Variants in SSBP2 observed in about 807,000 individuals in gnomAD.
The protein encoded by SSBP2 is single stranded DNA binding protein 2.
In SSBP2, 17 loss-of-function variants were observed where a neutral mutation model predicts 61.8. The observed-to-expected ratio is 0.28, with a 90% confidence interval of 0.19 to 0.41. The LOEUF is 0.41. Among genes scored for constraint, SSBP2 ranks in the 10% least tolerant of loss-of-function variants. The pLI is 1.00. For synonymous variants in SSBP2, 139 were observed against 141.3 expected, an observed-to-expected ratio of 0.98 and a Z score of 0.12; for missense variants, 310 against 458.7, an observed-to-expected ratio of 0.68 and a Z score of 2.96.
chr5:81,440,784 T>C (rs980161266), intron 13 of SSBP2, 148 bp from the exon 14 acceptor site: 13 of 596,696 alleles, frequency 2.2e-5, no homozygotes, highest in South Asian at 2.0e-4. Context: ...TTTTTCAGCC[T>C]TGTGGATTCT....
intron 10 of SSBP2, 28 bp downstream of exon 10, chr5:81,461,027 A>G: frequency 7.8e-7 from 1 of 1,289,966 alleles, no homozygotes; most frequent in South Asian, 2.5e-5. Flanking sequence ...AATGCAAAAT[A>G]TTAAAAAAAA....
At position 81,604,199 on chromosome 5, in the gene SSBP2, T is replaced by C. The variant is rs1744651998; in HGVS notation, c.282+11274A>G. On this transcript the variant is annotated intron_variant, in intron 4 of 16. Transcript: ENST00000320672. Reference sequence around the variant, plus strand: ...AATCTCATTTACATGAGATAAAAGGTTTTCATGCCTGCTGGCATAGCTACA... The same window carrying C: ...AATCTCATTTACATGAGATAAAAGGCTTTCATGCCTGCTGGCATAGCTACA... Among the ~76,000 whole-genome samples, 3 of 151,896 alleles carry C rather than the reference T, an allele frequency of 2.0e-5. No homozygotes were observed. In the South Asian group the frequency reaches 6.2e-4, roughly 31 times the overall value.
At chr5:81,468,254 G>C (rs1446798486) in intron 8 of SSBP2, among the ~76,000 whole-genome samples, 4 of 151,930 alleles carry the variant, frequency 2.6e-5, no homozygotes, top group African/African-American at 9.7e-5. Context: ...AAAGTCCATT[G>C]ATTCTATCTA....
intron 4 of SSBP2, among the ~76,000 whole-genome samples, chr5:81,608,670 T>G (rs1459507004): frequency 6.6e-6 from 1 of 152,172 alleles, no homozygotes; most frequent in Non-Finnish European, 1.5e-5. Flanking sequence ...TTTTTAAAAG[T>G]TTTTGAACTG....
At chr5:81,712,723 T>C (rs1754875661) in intron 1 of SSBP2, among the ~76,000 whole-genome samples, 3 of 113,624 alleles carry the variant, frequency 2.6e-5, no homozygotes, top group African/African-American at 9.7e-5. Context: ...TTTGTTTGTT[T>C]CTTTGTTTTT....
chr5:81,707,002 A>T (rs1191604975), intron 1 of SSBP2, among the ~76,000 whole-genome samples: 16 of 152,186 alleles, frequency 1.1e-4, no homozygotes. Context: ...AGGGAAATAA[A>T]ATTATAAATA....
chr5:81,669,494 G>T (rs1201060869), intron 1 of SSBP2, among the ~76,000 whole-genome samples: 2 of 152,132 alleles, frequency 1.3e-5, no homozygotes, highest in South Asian at 2.1e-4. Context: ...GTACTAAAAA[G>T]AAATGAGGGG....
chr5:81,441,675 T>C (rs184714385), intron 13 of SSBP2, among the ~76,000 whole-genome samples: 1 of 152,300 alleles, frequency 6.6e-6, no homozygotes, highest in South Asian at 2.1e-4. Context: ...TCTATCACCA[T>C]GGGCAATACA....
intron 10 of SSBP2, among the ~76,000 whole-genome samples, chr5:81,452,738 G>A (rs182141274): frequency 2.6e-3 from 403 of 152,244 alleles, no homozygotes; most frequent in Non-Finnish European, 4.5e-3. Flanking sequence ...CAGGTTTGGG[G>A]AAATGTCTGA....
At chr5:81,596,846 G>T (rs988930036) in intron 4 of SSBP2, among the ~76,000 whole-genome samples, 2 of 147,306 alleles carry the variant, frequency 1.4e-5, no homozygotes, top group African/African-American at 5.1e-5. Flanking sequence ...ATTCAAGATG[G>T]ATTAAAGACT....
intron 12 of SSBP2, among the ~76,000 whole-genome samples, chr5:81,446,554 T>C (rs1022812608): frequency 6.6e-6 from 1 of 152,184 alleles, no homozygotes; most frequent in Non-Finnish European, 1.5e-5. Context: ...TCAGAAATTT[T>C]CTAAATTGTA....
At chr5:81,437,334 C>G in intron 15 of SSBP2, 96 bp downstream of exon 15, 1 of 1,211,006 alleles carries the variant, frequency 8.3e-7, no homozygotes, top group Non-Finnish European at 1.2e-6. Flanking sequence ...AACTCTTGTT[C>G]AAGAACAAAA....
chr5:81,432,981 G>GT (rs1307618951), intron 15 of SSBP2, among the ~76,000 whole-genome samples: 2 of 132,572 alleles, frequency 1.5e-5, no homozygotes, highest in Non-Finnish European at 3.3e-5. Flanking sequence ...CGGGAGGGAG[G>GT]TGGGGGGGGT....
intron 4 of SSBP2, among the ~76,000 whole-genome samples, chr5:81,596,164 A>C (rs1194543381): frequency 6.6e-6 from 1 of 152,194 alleles, no homozygotes; most frequent in Non-Finnish European, 1.5e-5. Flanking sequence ...ATCAATCTAC[A>C]AAAATCACAA....
intron 4 of SSBP2, among the ~76,000 whole-genome samples, chr5:81,581,918 AATTTAG>A (rs1478891213): frequency 2.0e-5 from 3 of 152,146 alleles, no homozygotes; most frequent in Non-Finnish European, 1.5e-5. Flanking sequence ...AACATTCAGA[AATTTAG>A]ATTTAAAGCT....
intron 11 of SSBP2, among the ~76,000 whole-genome samples, chr5:81,448,301 T>G (rs1034438688): frequency 6.6e-6 from 1 of 152,162 alleles, no homozygotes; most frequent in Admixed American, 6.6e-5. Context: ...ATAGTAATAA[T>G]GATAAAAATA....
chr5:81,624,532 G>C lies in SSBP2; in HGVS notation c.198-8975C>G, dbSNP rs116208348. ...AAAGGCTCTAATAAGCATTTCCTTT[G>C]AGTTTCATGTTGGCACTCAAAAGTT... On this transcript the variant is annotated intron_variant, in intron 3 of 16. Transcript: ENST00000320672. Among the ~76,000 whole-genome samples the C allele has an allele frequency of 6.3e-3, 965 of 152,152 alleles. 6 individuals are homozygous for C. Among genetic ancestry groups the C allele is most frequent in the African/African-American group, 0.02 (845 of 41,530 alleles).
At chr5:81,745,473 T>C (rs1016380437) in intron 1 of SSBP2, among the ~76,000 whole-genome samples, 4 of 152,126 alleles carry the variant, frequency 2.6e-5, no homozygotes, top group Non-Finnish European at 5.9e-5. Flanking sequence ...ATGAATCTTA[T>C]TCTATTGCTC....
At position 81,477,613 on chromosome 5, in the gene SSBP2, G is replaced by A. The variant is rs1009180834; in HGVS notation, c.433-3051C>T. 9.2e-5 allele frequency among the ~76,000 whole-genome samples: 12 copies of A among 130,416 alleles called. No individual in the cohort carries two copies. In the East Asian group the frequency reaches 1.3e-3, roughly 14 times the overall value. The allele number at this position is 130,416 out of a possible 152,430, so 85.6% of individuals were successfully genotyped here. A position where few individuals can be genotyped will look rare whatever the true frequency, so the allele number is the denominator to read the frequency against. On this transcript the variant is annotated intron_variant, in intron 6 of 16. Transcript: ENST00000320672. ...TGCCATCTCTGCATGGCTACCCCCC[G>A]CCCCACCCCCCACACCCGCCATGTC... is the stretch of plus-strand genomic sequence containing the variant.
Sources: gnomAD v4.1 joint callset for allele counts (sites outside exome capture counted in the v4.1 genomes callset) on GRCh38, gnomAD v4.1.1 for gene constraint, MANE v1.5 for transcripts, NCBI Gene and HGNC (gene_info 2026-07-23, HGNC 2026-07-21) for gene names.